HMGN1: variants seen among roughly 807,000 people sequenced by gnomAD.
HMGN1 encodes the protein non-histone chromosomal protein HMG-14.
A neutral mutation model predicts 18.4 loss-of-function variants in HMGN1; 9 were observed. The observed-to-expected ratio is 0.49, with a 90% CI of 0.29 to 0.85. HMGN1 has a LOEUF of 0.85. Among genes scored for constraint, HMGN1 ranks in the 40% least tolerant of loss-of-function variants. HMGN1 has a pLI of 0.07. For synonymous variants in HMGN1, 59 were observed against 45.0 expected, an observed-to-expected ratio of 1.31 and a Z score of -1.24; for missense variants, 151 against 119.2, an observed-to-expected ratio of 1.27 and a Z score of -1.24.
At position 39,348,210 on chromosome 21, in the gene HMGN1, G is replaced by A. The variant is rs188226922; in HGVS notation, c.126+82C>T. 1.4e-4 allele frequency: 206 copies of A among 1,525,186 alleles called. 3 individuals are homozygous for A. The East Asian group carries it at 4.4e-3, about 33-fold the overall frequency. 94.5% of individuals were successfully genotyped at this position (1,525,186 alleles called of 1,614,324 possible). A position where few individuals can be genotyped will look rare whatever the true frequency, so the allele number is the denominator to read the frequency against. ...TTAAAGTATAAATAAAGCTCCAATA[G>A]CTAATCAAAATGGAAGCCCCGCATT... On this transcript the variant is annotated intron_variant, in intron 4 of 5. Coordinates refer to ENST00000380749, the MANE Select transcript of HMGN1 (RefSeq NM_004965.7).
chr21:39,346,288 C>G, intron 4 of HMGN1: 1 of 252,260 alleles, frequency 4.0e-6, no homozygotes, highest in Non-Finnish European at 7.9e-6. Context: ...ATTCCACAGA[C>G]AGCATAATGA....
At chr21:39,344,034 C>A (rs113829110) in intron 5 of HMGN1, among the ~76,000 whole-genome samples, 2,509 of 152,226 alleles carry the variant, frequency 0.016, 69 homozygotes, top group African/African-American at 0.058. Flanking sequence ...GCGGACAGAT[C>A]ACCTGAGGTC....
At position 39,348,548 on chromosome 21, in the gene HMGN1, T is replaced by G; in HGVS notation, c.45A>C (p.Glu15Asp). 1 of 1,613,264 alleles carries G rather than the reference T, an allele frequency of 6.2e-7. No individual in the cohort carries two copies. The highest frequency in any genetic ancestry group is 8.5e-7 in the Non-Finnish European group (1 of 1,179,640). ...KVSSAEGAAK[E>D]EPKRRSARLS... ...CCCGCAGAAGGCCCGCACTCACCTC[T>G]TCCTTGGCGGCGCCTTCGGCGGAGC... Residue 15 changes from glutamate (E) to aspartate (D), a missense_variant, in exon 2 of 6, where the codon GAA (glutamate) becomes GAC (aspartate). Coordinates refer to ENST00000380749, the MANE Select transcript of HMGN1 (RefSeq NM_004965.7).
intron 2 of HMGN1, 39 bp downstream of exon 2, chr21:39,348,506 C>T (rs1362287922): frequency 1.2e-6 from 2 of 1,613,924 alleles, no homozygotes; most frequent in African/African-American, 1.3e-5. Context: ...CAGCGGCTCA[C>T]GGGAAACCCA....
intron 4 of HMGN1, chr21:39,346,485 G>A (rs931430570): frequency 2.0e-5 from 3 of 153,308 alleles, no homozygotes; most frequent in African/African-American, 4.8e-5. Context: ...ATACAAAACT[G>A]GGAAACAGTT....
intron 5 of HMGN1, 41 bp from the exon 6 acceptor site, chr21:39,343,200 G>C (rs765728735): frequency 6.4e-7 from 1 of 1,558,584 alleles, no homozygotes; most frequent in African/African-American, 1.4e-5. Flanking sequence ...CATTTAACAC[G>C]TTGTCGTTTT....
At chr21:39,345,686 A>T in intron 4 of HMGN1, 1 of 502,338 alleles carries the variant, frequency 2.0e-6, no homozygotes, top group Non-Finnish European at 3.6e-6. Context: ...ACTATTCCCT[A>T]CAGTTCCACA....
At chr21:39,347,970 G>A (rs1369381275) in intron 4 of HMGN1, 2 of 1,191,648 alleles carry the variant, frequency 1.7e-6, no homozygotes, top group Non-Finnish European at 1.0e-6. Flanking sequence ...TGTCAAAAAA[G>A]GAAGTACAAG....
Position 39,348,303 on chromosome 21 carries a change from C to A in HMGN1, c.115G>T (p.Ala39Ser). The A allele has an allele frequency of 6.2e-7, 1 of 1,614,152 alleles. No homozygotes were observed. Among genetic ancestry groups the A allele is most frequent in the Middle Eastern group, 1.7e-4 (1 of 6,060 alleles). ...PAKVEAKPKK[A>S]AAKDKSSDKK... ...GTTTCGAGGCTTACCTTCGCTGCTG[C>A]CTTTTTCGGCTTCGCTTCCACTTTT... Residue 39 changes from alanine (A) to serine (S), a missense_variant, in exon 4 of 6, where the codon GCA becomes TCA. Coordinates refer to ENST00000380749, the MANE Select transcript of HMGN1 (RefSeq NM_004965.7).
chr21:39,348,667 G>A, intron 1 of HMGN1, 90 bp from the exon 2 acceptor site: 8 of 1,433,300 alleles, frequency 5.6e-6, no homozygotes, highest in Non-Finnish European at 7.4e-6. Context: ...CCGGCCGCGT[G>A]ACGTCACGGC....
intron 4 of HMGN1, chr21:39,347,301 G>A: frequency 7.3e-6 from 7 of 963,356 alleles, no homozygotes; most frequent in East Asian, 7.1e-5. Flanking sequence ...TTCTGTTAAA[G>A]AAAACATAGT....
chr21:39,348,162 A>G (rs2146860230), intron 4 of HMGN1, 130 bp downstream of exon 4: 4 of 1,259,410 alleles, frequency 3.2e-6, no homozygotes, highest in Non-Finnish European at 4.5e-6. Flanking sequence ...CTCGACCACT[A>G]GAAAAATTAT....
chr21:39,348,732 C>T lies in HMGN1; in HGVS notation c.16-155G>A. The stretch of plus-strand genomic sequence containing the variant: ...CAGCTCCCCCGGCCGCCAAACGTTC[C>T]AGAACGCCCGCCCCCGCGGCCGCCG... On this transcript the variant is annotated intron_variant, in intron 1 of 5. Coordinates refer to ENST00000380749, the MANE Select transcript of HMGN1 (RefSeq NM_004965.7). 2.7e-6 allele frequency: 3 copies of T among 1,122,184 alleles called. No individual in the cohort carries two copies. The South Asian group carries it at 5.7e-5, about 21-fold the overall frequency. 69.5% of individuals were successfully genotyped at this position (1,122,184 alleles called of 1,614,324 possible).
At position 39,346,168 on chromosome 21, in the gene HMGN1, T is replaced by G. The variant is rs988149636; in HGVS notation, c.127-894A>C. On this transcript the variant is annotated intron_variant, in intron 4 of 5. Transcript: ENST00000380749. ...TGGTATAAAAGACCCATACGGATAC[T>G]GACCAATTACTTGAATTAAAGGGCC... The G allele has an allele frequency of 2.5e-4, 88 of 354,808 alleles. 1 individual carries two copies. The highest frequency in any genetic ancestry group is 1.9e-3 in the South Asian group (86 of 45,918). The allele number at this position is 354,808 out of a possible 1,614,324, so 22.0% of individuals were successfully genotyped here. A position where few individuals can be genotyped will look rare whatever the true frequency, so the allele number is the denominator to read the frequency against.
At chr21:39,348,076 G>A (rs2037122815) in intron 4 of HMGN1, 1 of 921,554 alleles carries the variant, frequency 1.1e-6, no homozygotes, top group Non-Finnish European at 1.6e-6. Context: ...GTCGTCCTAA[G>A]TCTCCTAACA....
At chr21:39,345,552 C>T (rs914156) in intron 4 of HMGN1, 8 of 491,362 alleles carry the variant, frequency 1.6e-5, no homozygotes, top group Non-Finnish European at 2.2e-5. Context: ...CTTAAGGTCC[C>T]CCCCAGTAAT....
Position 39,348,435 on chromosome 21 carries a change from G to C in HMGN1, c.65C>G (p.Ala22Gly), listed in dbSNP as rs760492978. The C allele has an allele frequency of 2.4e-5, 39 of 1,614,060 alleles. No homozygotes were observed. Among genetic ancestry groups the C allele is most frequent in the Non-Finnish European group, 3.3e-5 (39 of 1,180,042 alleles). The change falls in exon 3 of 6, where the codon GCG becomes GGG. Residue 22 changes from alanine to glycine, a missense_variant. Physicochemically the swap from Ala to Gly is moderately conservative, Grantham distance 60. Transcript: ENST00000380749. ...AAKEEPKRRS[A>G]RLSAKPPAKV... ...CGCTTTACTTACAGCTGACAACCGCGCCGATCTCCTCTTGGGCTTGGAGAA... is the reference window on the plus strand; with the variant it reads ...CGCTTTACTTACAGCTGACAACCGCCCCGATCTCCTCTTGGGCTTGGAGAA...
At chr21:39,344,857 T>C (rs2036987838) in intron 5 of HMGN1, among the ~76,000 whole-genome samples, 1 of 152,184 alleles carries the variant, frequency 6.6e-6, no homozygotes, top group South Asian at 2.1e-4. Context: ...TTTTCAAAAA[T>C]ATATTTAAAA....
At chr21:39,346,068 TGAG>T in intron 4 of HMGN1, 1 of 579,888 alleles carries the variant, frequency 1.7e-6, no homozygotes, top group Non-Finnish European at 2.8e-6. Flanking sequence ...CCATCAATAC[TGAG>T]AAGAAAGCTT....
Sources: allele counts gnomAD v4.1 joint callset (sites outside exome capture counted in the v4.1 genomes callset), GRCh38; gene constraint gnomAD v4.1.1; transcripts MANE v1.5; gene names NCBI Gene and HGNC (gene_info 2026-07-23, HGNC 2026-07-21).